Variants in TLCD4 observed in about 807,000 individuals in gnomAD.
TLCD4 encodes the protein TLC domain containing 4.
Under a neutral mutation model 24.2 loss-of-function variants are expected in TLCD4, and 7 were observed. That is an observed-to-expected ratio of 0.29 (90% CI 0.16 to 0.54). The LOEUF is 0.54. TLCD4 is among the 20% of genes least tolerant of loss of function. TLCD4 has a pLI of 0.95. For missense variants in TLCD4, 259 were observed against 313.9 expected (o/e 0.82, Z 1.32); for synonymous variants, 103 against 106.4 (o/e 0.97, Z 0.20).
chr1:95,134,536 C>T (rs1340398867), intron 1 of TLCD4, among the ~76,000 whole-genome samples: 4 of 152,124 alleles, frequency 2.6e-5, no homozygotes, highest in African/African-American at 7.2e-5. Flanking sequence ...AAGGATATGA[C>T]ACTACTTTCT....
the TLCD4 span, among the ~76,000 whole-genome samples, chr1:95,109,881 G>T: frequency 5.1e-5 from 7 of 138,378 alleles, no homozygotes; most frequent in Non-Finnish European, 9.2e-5. Flanking sequence ...TTGTTTATCT[G>T]TTTGTACTAC....
intron 5 of TLCD4, chr1:95,164,549 T>C (rs1421243279): frequency 1.3e-5 from 2 of 152,272 alleles, no homozygotes; most frequent in African/African-American, 4.8e-5. Flanking sequence ...CAGTTGGAAA[T>C]GCAGAAGTCA....
chr1:95,186,325 G>A (rs918703170), intron 6 of TLCD4, among the ~76,000 whole-genome samples: 8 of 152,196 alleles, frequency 5.3e-5, no homozygotes, highest in Admixed American at 1.3e-4. Context: ...TACTCTTCAC[G>A]TCATTCTGTA....
At chr1:95,106,575 C>A in the TLCD4 span, among the ~76,000 whole-genome samples, 1 of 151,996 alleles carries the variant, frequency 6.6e-6, no homozygotes, top group Non-Finnish European at 1.5e-5. Context: ...TGCCTGTGGT[C>A]CAAGCTACTC....
At chr1:95,118,332 CA>C in intron 1 of TLCD4, among the ~76,000 whole-genome samples, 1 of 152,310 alleles carries the variant, frequency 6.6e-6, no homozygotes, top group African/African-American at 2.4e-5. Flanking sequence ...CCTACCCCTC[CA>C]AGACGGCAGA....
intron 3 of TLCD4, among the ~76,000 whole-genome samples, chr1:95,149,572 C>A (rs1442773828): frequency 6.6e-6 from 1 of 152,062 alleles, no homozygotes. Context: ...AGTATTGATA[C>A]ATTTTCATTG....
chr1:95,117,224 G>C (rs1676447596), upstream of TLCD4: 1 of 152,242 alleles, frequency 6.6e-6, no homozygotes, highest in South Asian at 2.1e-4. Flanking sequence ...AGGGTTTTTG[G>C]GCTCTTTCCG....
At chr1:95,141,895 AT>A (rs1677208530) in intron 1 of TLCD4, among the ~76,000 whole-genome samples, 1 of 151,684 alleles carries the variant, frequency 6.6e-6, no homozygotes, top group Non-Finnish European at 1.5e-5. Flanking sequence ...CCTGTGGGAG[AT>A]TGATTCTTAT....
chr1:95,150,353 A>G, intron 4 of TLCD4, 87 bp downstream of exon 4: 10 of 1,510,462 alleles, frequency 6.6e-6, no homozygotes, highest in Middle Eastern at 2.4e-4. Context: ...CTTTTGGTTT[A>G]TTTGAGAGAT....
chr1:95,176,995 C>T (rs1678454231), intron 6 of TLCD4, among the ~76,000 whole-genome samples: 1 of 152,124 alleles, frequency 6.6e-6, no homozygotes, highest in African/African-American at 2.4e-5. Context: ...CTTCCTAATT[C>T]CAGATACACC....
chr1:95,148,551 A>G (rs1222566216), intron 2 of TLCD4, 151 bp from the exon 3 acceptor site: 13 of 1,020,080 alleles, frequency 1.3e-5, no homozygotes, highest in Non-Finnish European at 1.6e-5. Flanking sequence ...ATGGCAAGAA[A>G]TGGCAATTTT....
At chr1:95,112,652 C>G (rs1380776432), upstream of TLCD4, among the ~76,000 whole-genome samples, 1 of 152,154 alleles carries the variant, frequency 6.6e-6, no homozygotes, top group African/African-American at 2.4e-5. Flanking sequence ...TCTAAATTAT[C>G]AGTCAGGAAT....
At chr1:95,119,995 G>A (rs991949095) in intron 1 of TLCD4, among the ~76,000 whole-genome samples, 10 of 152,184 alleles carry the variant, frequency 6.6e-5, no homozygotes, top group South Asian at 2.1e-4. Context: ...AGAATTATGG[G>A]CATTTGGACA....
At chr1:95,099,041 GAA>G in the TLCD4 span, among the ~76,000 whole-genome samples, 4 of 75,856 alleles carry the variant, frequency 5.3e-5, no homozygotes, top group East Asian at 1.5e-3. Context: ...CAACAAGAGT[GAA>G]ACTCTGTCTC....
At chr1:95,161,364 T>G (rs12140575) in intron 5 of TLCD4, among the ~76,000 whole-genome samples, 67,392 of 152,058 alleles carry the variant, frequency 0.44, 16,393 homozygotes, top group Middle Eastern at 0.58. Flanking sequence ...CTTTATCATT[T>G]TTTATTGCAT....
rs1399904981 is a variant in TLCD4, at chr1:95,193,503, G to C, written c.*1635G>C. The C allele has an allele frequency of 6.6e-6, 1 of 152,050 alleles. No individual in the cohort carries two copies. The highest frequency in any genetic ancestry group is 1.5e-5 in the Non-Finnish European group (1 of 67,946). 9.4% of individuals were successfully genotyped at this position (152,050 alleles called of 1,614,324 possible). A position where few individuals can be genotyped will look rare whatever the true frequency, so the allele number is the denominator to read the frequency against. On this transcript the variant is annotated 3_prime_UTR_variant, in exon 7 of 7. Coordinates refer to ENST00000370203, the MANE Select transcript of TLCD4 (RefSeq NM_152487.3). ...GAAATTAATTGAACTCATACCAAAA[G>C]ATGTAATCCAGTTTCTCAGTTTGAA...
the TLCD4 span, among the ~76,000 whole-genome samples, chr1:95,092,805 C>T: frequency 1.3e-5 from 2 of 152,226 alleles, no homozygotes; most frequent in African/African-American, 4.8e-5. Context: ...GACACACTAC[C>T]TTGGCTCACG....
intron 5 of TLCD4, among the ~76,000 whole-genome samples, chr1:95,166,385 A>AC (rs1373413733): frequency 6.6e-6 from 1 of 152,210 alleles, no homozygotes; most frequent in East Asian, 1.9e-4. Flanking sequence ...GCTGACAAAA[A>AC]CCATAGGATC....
the TLCD4 span, among the ~76,000 whole-genome samples, chr1:95,105,150 TACCAC>T: frequency 1.1e-4 from 16 of 152,302 alleles, no homozygotes; most frequent in East Asian, 3.1e-3. Context: ...AGTATAATTG[TACCAC>T]ATATCACCAG....
Sources: allele counts gnomAD v4.1 joint callset (sites outside exome capture counted in the v4.1 genomes callset), GRCh38; gene constraint gnomAD v4.1.1; transcripts MANE v1.5; gene names NCBI Gene and HGNC (gene_info 2026-07-23, HGNC 2026-07-21).